CDKAL1: variants seen among roughly 807,000 people sequenced by gnomAD.
CDKAL1 encodes the protein CDKAL1 threonylcarbamoyladenosine tRNA methylthiotransferase, also known as threonylcarbamoyladenosine tRNA methylthiotransferase.
In CDKAL1, 32 loss-of-function variants were observed where a neutral mutation model predicts 68.2. The observed-to-expected ratio is 0.47, with a 90% confidence interval of 0.35 to 0.63. The LOEUF is 0.63. Among genes scored for constraint, CDKAL1 ranks in the 30% least tolerant of loss-of-function variants. The probability of loss-of-function intolerance (pLI) is 0.00; values close to 1 mark genes in which losing one functional copy is unlikely to be tolerated. For synonymous variants in CDKAL1, 234 were observed against 244.3 expected, an observed-to-expected ratio of 0.96 and a Z score of 0.39; for missense variants, 606 against 696.7, an observed-to-expected ratio of 0.87 and a Z score of 1.47.
chr6:20,858,441 C>T (rs1251945585), intron 9 of CDKAL1, among the ~76,000 whole-genome samples: 1 of 152,044 alleles, frequency 6.6e-6, no homozygotes, highest in Non-Finnish European at 1.5e-5. Flanking sequence ...CTTCCTTATC[C>T]ATGTCTTAAT....
intron 4 of CDKAL1, among the ~76,000 whole-genome samples, chr6:20,644,967 A>G (rs1450805082): frequency 1.3e-5 from 2 of 152,220 alleles, no homozygotes; most frequent in East Asian, 3.8e-4. Context: ...AGGCCATTAT[A>G]TGGTATAGCC....
chr6:20,769,562 A>T lies in CDKAL1; in HGVS notation c.517+10919A>T, dbSNP rs573993794. On this transcript the variant is annotated intron_variant, in intron 7 of 15. Transcript: ENST00000274695. ...GTGAGCCACCACACCGGCCTTGATC[A>T]TCATTATCAATGCAATTATTTGTGA... Among the ~76,000 whole-genome samples, 7 of 152,218 alleles carry T rather than the reference A, an allele frequency of 4.6e-5. No homozygotes were observed. In the South Asian group the frequency reaches 1.0e-3, roughly 23 times the overall value.
intron 9 of CDKAL1, among the ~76,000 whole-genome samples, chr6:20,875,261 T>A (rs1760446211): frequency 7.7e-6 from 1 of 129,684 alleles, no homozygotes. Flanking sequence ...ATTGCGCCAC[T>A]GCAGTCCGCA....
At chr6:21,069,360 A>C (rs1008180501) in intron 12 of CDKAL1, among the ~76,000 whole-genome samples, 2 of 152,174 alleles carry the variant, frequency 1.3e-5, no homozygotes, top group African/African-American at 4.8e-5. Context: ...TTAATCATGA[A>C]TAGAGTTGAA....
chr6:20,907,404 A>T (rs1194574398), intron 9 of CDKAL1, among the ~76,000 whole-genome samples: 1 of 152,220 alleles, frequency 6.6e-6, no homozygotes, highest in African/African-American at 2.4e-5. Flanking sequence ...TTTGGATGAC[A>T]GAGACCTTGT....
At position 21,108,387 on chromosome 6, in the gene CDKAL1, G is replaced by GTT; in HGVS notation, c.1237-7_1237-6dup. 1 of 1,559,618 alleles carries GTT rather than the reference G, an allele frequency of 6.4e-7. No individual in the cohort carries two copies. The highest frequency in any genetic ancestry group is 8.7e-7 in the Non-Finnish European group (1 of 1,150,280). ...TGTATGTTGGTTTTTTGTTTTTTTT[G>GTT]TTTTTTTTCACAGAAAAAGCAAAGG... On this transcript the variant is annotated splice_polypyrimidine_tract_variant and intron_variant, in intron 12 of 15. Coordinates refer to ENST00000274695, the MANE Select transcript of CDKAL1 (RefSeq NM_017774.3).
intron 15 of CDKAL1, among the ~76,000 whole-genome samples, chr6:21,230,223 G>A (rs564590951): frequency 4.6e-5 from 7 of 152,288 alleles, no homozygotes; most frequent in Admixed American, 1.3e-4. Context: ...GTGCAGCAGC[G>A]CAATCTTGGC....
At chr6:21,184,322 G>A (rs1261542603) in intron 13 of CDKAL1, among the ~76,000 whole-genome samples, 2 of 151,516 alleles carry the variant, frequency 1.3e-5, no homozygotes, top group Non-Finnish European at 2.9e-5. Context: ...AGCCTCCTGA[G>A]TAGCTGGGAT....
intron 10 of CDKAL1, among the ~76,000 whole-genome samples, chr6:20,965,703 C>T (rs1011970525): frequency 4.6e-5 from 7 of 152,226 alleles, no homozygotes; most frequent in African/African-American, 1.7e-4. Flanking sequence ...AGGCATTTCA[C>T]ATTGCCAGTC....
At chr6:20,633,268 C>T (rs958093321) in intron 4 of CDKAL1, among the ~76,000 whole-genome samples, 1 of 152,174 alleles carries the variant, frequency 6.6e-6, no homozygotes, top group South Asian at 2.1e-4. Context: ...TCTGGACATG[C>T]GTTTGAGGTA....
At chr6:20,979,084 A>G (rs1765980827) in intron 10 of CDKAL1, among the ~76,000 whole-genome samples, 1 of 152,214 alleles carries the variant, frequency 6.6e-6, no homozygotes, top group Non-Finnish European at 1.5e-5. Flanking sequence ...TAAGAGTGTA[A>G]TCTTCAAGTT....
intron 7 of CDKAL1, among the ~76,000 whole-genome samples, chr6:20,764,765 C>T (rs1052944727): frequency 2.0e-5 from 3 of 152,114 alleles, no homozygotes; most frequent in South Asian, 2.1e-4. Context: ...TATTGGACCA[C>T]AAAAGCACAT....
intron 5 of CDKAL1, among the ~76,000 whole-genome samples, chr6:20,736,764 T>A (rs893456623): frequency 1.3e-4 from 19 of 150,008 alleles, no homozygotes; most frequent in African/African-American, 4.5e-4. Context: ...AGAGCGAGAC[T>A]CTGCCTCAAA....
At chr6:20,793,772 A>T (rs556369476) in intron 8 of CDKAL1, among the ~76,000 whole-genome samples, 327 of 131,654 alleles carry the variant, frequency 2.5e-3, no homozygotes, top group African/African-American at 7.7e-3. Context: ...GTTTTTTTTT[A>T]ATTTTAAATT....
At chr6:20,703,044 A>G (rs1459860891) in intron 5 of CDKAL1, among the ~76,000 whole-genome samples, 1 of 152,226 alleles carries the variant, frequency 6.6e-6, no homozygotes, top group Non-Finnish European at 1.5e-5. Flanking sequence ...ACTTACTGTA[A>G]TATGGTTTCC....
At chr6:20,945,375 C>T (rs1228128072) in intron 9 of CDKAL1, among the ~76,000 whole-genome samples, 1 of 152,064 alleles carries the variant, frequency 6.6e-6, no homozygotes, top group African/African-American at 2.4e-5. Context: ...AATCTAAAAT[C>T]CCTCTGTCCC....
chr6:20,707,418 A>G (rs545517401), intron 5 of CDKAL1, among the ~76,000 whole-genome samples: 119 of 152,382 alleles, frequency 7.8e-4, no homozygotes, highest in African/African-American at 2.5e-3. Context: ...TCATGTTGAT[A>G]TAACATCTGA....
chr6:20,538,599 A>G (rs1436437293), intron 2 of CDKAL1, among the ~76,000 whole-genome samples: 5 of 152,156 alleles, frequency 3.3e-5, no homozygotes, highest in African/African-American at 1.2e-4. Flanking sequence ...ACACTTGTAT[A>G]TGGGATGGCA....
intron 15 of CDKAL1, among the ~76,000 whole-genome samples, chr6:21,229,235 T>C (rs1010533311): frequency 7.2e-5 from 11 of 152,168 alleles, no homozygotes; most frequent in Non-Finnish European, 1.6e-4. Flanking sequence ...GCTGTAGAAG[T>C]TGTTTTCATT....
Sources: allele counts gnomAD v4.1 joint callset (sites outside exome capture counted in the v4.1 genomes callset), GRCh38; gene constraint gnomAD v4.1.1; transcripts MANE v1.5; gene names NCBI Gene and HGNC (gene_info 2026-07-23, HGNC 2026-07-21).